The following USP42 variants were observed in gnomAD, a reference collection of about 807,000 sequenced individuals.
USP42 encodes ubiquitin carboxyl-terminal hydrolase 42.
In USP42, 23 loss-of-function variants were observed where a neutral mutation model predicts 113.0. The ratio of observed to expected loss-of-function variants is 0.20; its 90% CI spans 0.15 to 0.29. The LOEUF is 0.29. Ranked by LOEUF, USP42 falls within the 10% of genes least tolerant of loss-of-function variation. USP42 has a pLI of 1.00. For missense variants in USP42, 2,174 were observed against 1,779.8 expected (o/e 1.22, Z -3.99); for synonymous variants, 933 against 699.0 (o/e 1.33, Z -5.28).
the USP42 span, among the ~76,000 whole-genome samples, chr7:6,086,466 A>G: frequency 6.6e-6 from 1 of 150,708 alleles, no homozygotes. Context: ...CGGCCTCCCA[A>G]AATGCTGAGA....
At chr7:6,138,259 A>G (rs918848362) in intron 4 of USP42, among the ~76,000 whole-genome samples, 1 of 152,216 alleles carries the variant, frequency 6.6e-6, no homozygotes, top group Non-Finnish European at 1.5e-5. Context: ...TTTTATTGTA[A>G]TTTAAAAAAT....
chr7:6,118,409 C>G (rs1171170879), intron 3 of USP42, among the ~76,000 whole-genome samples: 1 of 152,046 alleles, frequency 6.6e-6, no homozygotes, highest in African/African-American at 2.4e-5. Flanking sequence ...ATAGTCCCAG[C>G]TACTTGGGAG....
chr7:6,123,498 C>G (rs1583606958), intron 3 of USP42, among the ~76,000 whole-genome samples: 1 of 152,018 alleles, frequency 6.6e-6, no homozygotes, highest in African/African-American at 2.4e-5. Context: ...CCCGTCTCTA[C>G]TAAAAATACA....
Position 6,154,533 on chromosome 7 carries a change from C to A in USP42, c.2979C>A (p.Arg993=), listed in dbSNP as rs73335442. The A allele has an allele frequency of 2.6e-4, 409 of 1,543,542 alleles. No individual in the cohort carries two copies. In the African/African-American group the frequency reaches 4.8e-3, roughly 18 times the overall value. Residue 993 remains arginine (R), a synonymous_variant, in exon 15 of 18, where the codon CGC becomes CGA. Coordinates refer to ENST00000306177, the MANE Select transcript of USP42 (RefSeq NM_032172.3). Reference sequence around the variant, plus strand: ...CCCGGGAGCGCGACCGCCAGGACCGCCACGCCCCGGAGCACCACCCCGGCC... The same window carrying A: ...CCCGGGAGCGCGACCGCCAGGACCGACACGCCCCGGAGCACCACCCCGGCC... The part of the protein sequence containing the change: ...TCPRERDRQD[R]HAPEHHPGHG...
intron 3 of USP42, among the ~76,000 whole-genome samples, chr7:6,134,989 C>T (rs1781052985): frequency 6.6e-6 from 1 of 151,978 alleles, no homozygotes; most frequent in Non-Finnish European, 1.5e-5. Context: ...AGGGTTTGAC[C>T]ATGTTGCCCA....
chr7:6,149,932 C>T lies in USP42; in HGVS notation c.1736C>T (p.Thr579Ile), dbSNP rs770366063. 12 of 1,613,898 alleles carry T rather than the reference C, an allele frequency of 7.4e-6. No individual in the cohort carries two copies. The South Asian group carries it at 8.8e-5, about 12-fold the overall frequency. The change falls in exon 13 of 18, where the codon ACA (threonine) becomes ATA (isoleucine). Residue 579 changes from threonine to isoleucine, a missense_variant. Transcript: ENST00000306177. ...ACGATGTCAGTTTCTAGTAAAGTAA[C>T]AAAACCGATCCCCCGCAGTGAATCC... Reference protein sequence around the residue: ...ASTMSVSSKVTKPIPRSESCS... With the variant: ...ASTMSVSSKVIKPIPRSESCS...
Position 6,146,662 on chromosome 7 carries a change from C to CA in USP42, c.1232+423dup, listed in dbSNP as rs199666632. On this transcript the variant is annotated intron_variant, in intron 11 of 17. Coordinates refer to ENST00000306177, the MANE Select transcript of USP42 (RefSeq NM_032172.3). Reference sequence around the variant, plus strand: ...CCTGAGTGACAGAGCAAGACTGTCTCAAAAAAAAACCAAAAACCATCAACT... The same window carrying CA: ...CCTGAGTGACAGAGCAAGACTGTCTCAAAAAAAAAACCAAAAACCATCAACT... Among the ~76,000 whole-genome samples, 417 of 150,412 alleles carry CA rather than the reference C, an allele frequency of 2.8e-3. 1 individual carries two copies. Among genetic ancestry groups the CA allele is most frequent in the African/African-American group, 8.2e-3 (336 of 41,028 alleles).
chr7:6,148,943 C>T (rs531521127), intron 12 of USP42, among the ~76,000 whole-genome samples: 21 of 152,162 alleles, frequency 1.4e-4, no homozygotes, highest in Admixed American at 2.6e-4. Context: ...TTTGTTTTTA[C>T]CATGAAGCTT....
chr7:6,086,245 G>C, the USP42 span, among the ~76,000 whole-genome samples: 3 of 130,114 alleles, frequency 2.3e-5, no homozygotes, highest in Non-Finnish European at 4.6e-5. Context: ...TCGCTCTGTC[G>C]CCCAGGCTGG....
rs1200434240 is a variant in USP42, at chr7:6,111,197, A to C, written c.64A>C (p.Ser22Arg). The C allele has an allele frequency of 6.2e-7, 1 of 1,612,288 alleles. No individual in the cohort carries two copies. The highest frequency in any genetic ancestry group is 1.7e-5 in the Admixed American group (1 of 59,652). ...DPSAYQNQPGSSEAVSPGDMD... is the reference protein window; with the variant it reads ...DPSAYQNQPGRSEAVSPGDMD... ...ATCAGCCTATCAGAATCAGCCTGGC[A>C]GCTCCGAGGCAGTCTCACCTGGAGA... is the stretch of plus-strand genomic sequence containing the variant. Residue 22 changes from serine to arginine, a missense_variant, in exon 2 of 18, where the codon AGC (serine) becomes CGC (arginine). Ser to Arg is a moderately radical substitution (Grantham distance 110). Coordinates refer to ENST00000306177, the MANE Select transcript of USP42 (RefSeq NM_032172.3).
intron 3 of USP42, among the ~76,000 whole-genome samples, chr7:6,125,287 G>T (rs1780471496): frequency 6.6e-6 from 1 of 151,512 alleles, no homozygotes; most frequent in African/African-American, 2.4e-5. Context: ...ATGGGAGTTT[G>T]AGACCAGCCT....
In USP42 at chr7:6,145,777, A is replaced by G. The variant is rs145103569; in HGVS notation, c.1131+121A>G. ...TAAAATGTGAATACCCGAGGTAAAA[A>G]TATTTCTCTTGGCCGGGCGCAGTGG... is the stretch of plus-strand genomic sequence containing the variant. On this transcript the variant is annotated intron_variant, in intron 10 of 17. Transcript: ENST00000306177. 3.9e-4 allele frequency: 462 copies of G among 1,188,134 alleles called. 2 individuals carry two copies. In the East Asian group the frequency reaches 0.01, roughly 27 times the overall value. The allele number at this position is 1,188,134 out of a possible 1,614,324, so 73.6% of individuals were successfully genotyped here.
chr7:6,100,315 G>GATTT (rs146304028), upstream of USP42, among the ~76,000 whole-genome samples: 5 of 150,260 alleles, frequency 3.3e-5, no homozygotes, highest in Non-Finnish European at 5.9e-5. Context: ...ATTGCCTGGA[G>GATTT]ATTTATTTAT....
At chr7:6,156,708 T>C (rs2128525510) in intron 15 of USP42, 46 bp from the exon 16 acceptor site, 2 of 1,493,490 alleles carry the variant, frequency 1.3e-6, no homozygotes, top group Non-Finnish European at 1.8e-6. Flanking sequence ...CTGCTGCTGG[T>C]GGTTTTGTGT....
Position 6,139,222 on chromosome 7 carries a change from C to A in USP42, c.656+28C>A. On this transcript the variant is annotated intron_variant, in intron 5 of 17. Coordinates refer to ENST00000306177, the MANE Select transcript of USP42 (RefSeq NM_032172.3). The surrounding 1 kb of genome is among the most constrained non-coding windows in gnomAD (Gnocchi z 4.5). ...AAGTACAACAGAGCGCCAGCCATGT[C>A]TTCATTGGGGATCTCTGGTTGTAGT... is the stretch of plus-strand genomic sequence containing the variant. 1 of 1,485,518 alleles carries A rather than the reference C, an allele frequency of 6.7e-7. No individual in the cohort carries two copies. Among genetic ancestry groups the A allele is most frequent in the Non-Finnish European group, 9.2e-7 (1 of 1,091,292 alleles). 92.0% of individuals were successfully genotyped at this position (1,485,518 alleles called of 1,614,324 possible). A position where few individuals can be genotyped will look rare whatever the true frequency, so the allele number is the denominator to read the frequency against.
At chr7:6,125,820 GT>G (rs1024426818) in intron 3 of USP42, among the ~76,000 whole-genome samples, 37 of 135,804 alleles carry the variant, frequency 2.7e-4, no homozygotes, top group Non-Finnish European at 3.7e-4. Flanking sequence ...TTTAGTTTTT[GT>G]TTTTTTTTTG....
rs1782516224 is a variant in USP42 at position 6,157,395 on chromosome 7, TTTTA to T, written c.3943+348_3943+351del. On this transcript the variant is annotated intron_variant, in intron 16 of 17. Transcript: ENST00000306177. The surrounding 1 kb of genome is among the most constrained non-coding windows in gnomAD (Gnocchi z 4.1). ...TTTGGTTTGGTTTTATTTTATTTTA[TTTTA>T]TTTATTTTATTTTTTGAGACGGAGT... 1 of 985,272 alleles carries T rather than the reference TTTTA, an allele frequency of 1.0e-6. No homozygotes were observed. Among genetic ancestry groups the T allele is most frequent in the African/African-American group, 1.7e-5 (1 of 57,486 alleles). 61.0% of individuals were successfully genotyped at this position (985,272 alleles called of 1,614,324 possible).
the USP42 span, among the ~76,000 whole-genome samples, chr7:6,089,823 G>T: frequency 6.6e-6 from 1 of 150,464 alleles, no homozygotes; most frequent in Non-Finnish European, 1.5e-5. Context: ...GAGCTACCGC[G>T]CCCAGCCTCT....
At chr7:6,129,374 G>A (rs1009436494) in intron 3 of USP42, among the ~76,000 whole-genome samples, 4 of 151,418 alleles carry the variant, frequency 2.6e-5, no homozygotes, top group Non-Finnish European at 5.9e-5. Flanking sequence ...TGGCCAACAT[G>A]GCGAAACCCC....
Sources: gnomAD v4.1 joint callset for allele counts (sites outside exome capture counted in the v4.1 genomes callset) on GRCh38, gnomAD v4.1.1 for gene constraint, Gnocchi (gnomAD v3.1) non-coding constraint, MANE v1.5 for transcripts, NCBI Gene and HGNC (gene_info 2026-07-23, HGNC 2026-07-21) for gene names.